SPAG16: variants seen among roughly 807,000 people sequenced by gnomAD.
SPAG16 encodes sperm associated antigen 16, also known as sperm-associated antigen 16 protein.
SPAG16 carries 86 observed loss-of-function variants against 80.4 expected under a neutral mutation model. The observed-to-expected ratio is 1.07, with a 90% CI of 0.90 to 1.28. SPAG16 has a LOEUF of 1.28. SPAG16 is among the 50% of genes most tolerant of loss of function. The probability of loss-of-function intolerance (pLI) is 0.00; values close to 1 mark genes in which losing one functional copy is unlikely to be tolerated. For synonymous variants in SPAG16, 294 were observed against 265.9 expected (o/e 1.11, Z -1.03); for missense variants, 870 against 765.3 (o/e 1.14, Z -1.61).
chr2:213,363,122 A>G (rs1384503877), intron 7 of SPAG16, among the ~76,000 whole-genome samples: 1 of 152,206 alleles, frequency 6.6e-6, no homozygotes, highest in Non-Finnish European at 1.5e-5. Flanking sequence ...GTTCATAATA[A>G]TATATCAATA....
chr2:213,680,844 T>TG (rs2064341898), intron 10 of SPAG16, among the ~76,000 whole-genome samples: 1 of 152,146 alleles, frequency 6.6e-6, no homozygotes, highest in African/African-American at 2.4e-5. Context: ...AGAAATACAT[T>TG]GGTTTGGTTC....
intron 12 of SPAG16, among the ~76,000 whole-genome samples, chr2:213,998,653 C>G (rs1005577509): frequency 6.6e-6 from 1 of 152,116 alleles, no homozygotes; most frequent in Non-Finnish European, 1.5e-5. Context: ...GGTTAACAGG[C>G]AGAGGTTGGA....
chr2:214,056,191 A>C lies in SPAG16; in HGVS notation c.1527+42114A>C, dbSNP rs539190421. Among the ~76,000 whole-genome samples the C allele has an allele frequency of 5.1e-4, 77 of 152,220 alleles. No individual in the cohort carries two copies. In the South Asian group the frequency reaches 0.016, roughly 31 times the overall value. On this transcript the variant is annotated intron_variant, in intron 13 of 15. Coordinates refer to ENST00000331683, the MANE Select transcript of SPAG16 (RefSeq NM_024532.5). Reference sequence around the variant, plus strand: ...AATAACGTGACAGTAAAGTCCATACACACAAAATGGAAATAATCCTGCATC... The same window carrying C: ...AATAACGTGACAGTAAAGTCCATACCCACAAAATGGAAATAATCCTGCATC...
At chr2:214,093,959 C>G (rs2052403881) in intron 13 of SPAG16, among the ~76,000 whole-genome samples, 1 of 152,060 alleles carries the variant, frequency 6.6e-6, no homozygotes, top group Non-Finnish European at 1.5e-5. Context: ...CCATGTTTCT[C>G]TACTGGATCC....
intron 14 of SPAG16, among the ~76,000 whole-genome samples, chr2:214,119,247 C>T (rs941816814): frequency 3.9e-5 from 6 of 152,030 alleles, no homozygotes; most frequent in East Asian, 1.9e-4. Flanking sequence ...TATTAGAGCT[C>T]GGATGTCTTA....
intron 10 of SPAG16, among the ~76,000 whole-genome samples, chr2:213,834,268 T>C (rs1449806186): frequency 6.6e-6 from 1 of 152,126 alleles, no homozygotes; most frequent in Non-Finnish European, 1.5e-5. Flanking sequence ...TACAACAGTT[T>C]AGCAGGAGAA....
intron 10 of SPAG16, among the ~76,000 whole-genome samples, chr2:213,788,975 T>C (rs2070517183): frequency 6.6e-6 from 1 of 151,938 alleles, no homozygotes; most frequent in Non-Finnish European, 1.5e-5. Context: ...ATCATTTGCT[T>C]TATAAAGATA....
intron 10 of SPAG16, among the ~76,000 whole-genome samples, chr2:213,829,198 T>G (rs2125712238): frequency 6.6e-6 from 1 of 152,212 alleles, no homozygotes; most frequent in African/African-American, 2.4e-5. Context: ...CCTTAGAAAT[T>G]TCCCTGAAAC....
intron 15 of SPAG16, among the ~76,000 whole-genome samples, chr2:214,231,452 G>T (rs1189970702): frequency 6.6e-6 from 1 of 151,898 alleles, no homozygotes; most frequent in African/African-American, 2.4e-5. Flanking sequence ...TCTCAGAATA[G>T]ACTACAGTTA....
intron 11 of SPAG16, among the ~76,000 whole-genome samples, chr2:213,902,189 G>A (rs560581951): frequency 8.5e-5 from 13 of 152,230 alleles, no homozygotes; most frequent in African/African-American, 2.9e-4. Context: ...TATTTTCTGT[G>A]GATATACCAA....
intron 11 of SPAG16, among the ~76,000 whole-genome samples, chr2:213,905,359 A>C (rs1209263951): frequency 6.6e-6 from 1 of 152,220 alleles, no homozygotes; most frequent in African/African-American, 2.4e-5. Flanking sequence ...TCAAAAGCAA[A>C]TAGTTTACCA....
chr2:214,149,522 G>A (rs371143985), intron 15 of SPAG16, among the ~76,000 whole-genome samples: 7 of 151,996 alleles, frequency 4.6e-5, no homozygotes, highest in Admixed American at 1.3e-4. Context: ...AGGTTTGTTA[G>A]CAGTGCCATG....
intron 2 of SPAG16, chr2:213,296,963 T>TCATTAAAAAA: frequency 1.2e-6 from 1 of 853,922 alleles, no homozygotes; most frequent in Admixed American, 4.0e-5. Flanking sequence ...AGAATGGTGA[T>TCATTAAAAAA]ATTTAGATAG....
In SPAG16 at chr2:213,596,278, A is replaced by G. The variant is rs539716748; in HGVS notation, c.1070+106188A>G. Among the ~76,000 whole-genome samples, 9 of 152,278 alleles carry G rather than the reference A, an allele frequency of 5.9e-5. No homozygotes were observed. In the South Asian group the frequency reaches 1.5e-3, roughly 25 times the overall value. ...ATGTTGATTTGAACTTTGAAAAAAT[A>G]TGTAATATCCTTGTCTTTCTCATGA... On this transcript the variant is annotated intron_variant, in intron 10 of 15. Coordinates refer to ENST00000331683, the MANE Select transcript of SPAG16 (RefSeq NM_024532.5).
At chr2:213,915,270 C>T (rs2077899887) in intron 11 of SPAG16, among the ~76,000 whole-genome samples, 1 of 152,018 alleles carries the variant, frequency 6.6e-6, no homozygotes, top group Non-Finnish European at 1.5e-5. Context: ...CTAATGCTAT[C>T]CCTCCCCTAG....
chr2:213,371,687 A>AT (rs1335625504), intron 8 of SPAG16, among the ~76,000 whole-genome samples: 1 of 121,276 alleles, frequency 8.2e-6, no homozygotes, highest in Non-Finnish European at 1.8e-5. Context: ...TTTACTCTAA[A>AT]CTTTGGGAAG....
chr2:214,384,649 G>A (rs572257710), intron 15 of SPAG16, among the ~76,000 whole-genome samples: 1 of 152,306 alleles, frequency 6.6e-6, no homozygotes, highest in East Asian at 1.9e-4. Flanking sequence ...CAATGGGTAT[G>A]TACTTACAAG....
At chr2:213,729,844 T>C (rs921794418) in intron 10 of SPAG16, among the ~76,000 whole-genome samples, 6 of 152,194 alleles carry the variant, frequency 3.9e-5, no homozygotes, top group Non-Finnish European at 7.3e-5. Flanking sequence ...TAGGCCTTGG[T>C]GAGAACAGAC....
chr2:214,062,418 CAAAAAAAAAAAAAA>C (rs56693089), intron 13 of SPAG16, among the ~76,000 whole-genome samples: 6 of 55,402 alleles, frequency 1.1e-4, no homozygotes, highest in Non-Finnish European at 1.3e-4. Flanking sequence ...GACTCTGACT[CAAAAAAAAAAAAAA>C]AAAAAAAAAA....
Sources: allele counts gnomAD v4.1 joint callset (sites outside exome capture counted in the v4.1 genomes callset), GRCh38; gene constraint gnomAD v4.1.1; transcripts MANE v1.5; gene names NCBI Gene and HGNC (gene_info 2026-07-23, HGNC 2026-07-21).